The following SMAD5 variants were observed in gnomAD, a reference collection of about 807,000 sequenced individuals.
SMAD5 encodes the protein SMAD family member 5, also known as MAD, mothers against decapentaplegic homolog 5.
In SMAD5, 9 loss-of-function variants were observed where a neutral mutation model predicts 43.1. That is an observed-to-expected ratio of 0.21 (90% CI 0.13 to 0.36). The LOEUF (loss-of-function observed/expected upper bound fraction) is 0.36. Among genes scored for constraint, SMAD5 ranks in the 10% least tolerant of loss-of-function variants. The probability of loss-of-function intolerance (pLI) is 1.00; values close to 1 mark genes in which losing one functional copy is unlikely to be tolerated. For synonymous variants in SMAD5, 190 were observed against 192.4 expected (o/e 0.99, Z 0.10); for missense variants, 348 against 574.0 (o/e 0.61, Z 4.02).
rs566951573 is a variant in SMAD5 at position 136,154,132 on chromosome 5, C to T, written c.372C>T (p.Asn124=). 237 of 1,584,090 alleles carry T rather than the reference C, an allele frequency of 1.5e-4. No homozygotes were observed. The East Asian group carries it at 5.0e-3, about 33-fold the overall frequency. The stretch of plus-strand genomic sequence containing the variant: ...CTAAGCAAAAAGAAGTTTGTATCAA[C>T]CCATACCACTATAAGAGAGTGGAGA... ...FGSKQKEVCI[N]PYHYKRVESP... The change falls in exon 3 of 8, where the codon AAC becomes AAT. Residue 124 remains asparagine (N), a synonymous_variant. Transcript: ENST00000545279.
intron 5 of SMAD5, among the ~76,000 whole-genome samples, chr5:136,164,260 A>G (rs1034878965): frequency 6.6e-6 from 1 of 152,216 alleles, no homozygotes; most frequent in African/African-American, 2.4e-5. Flanking sequence ...TCTTGGATAG[A>G]TATCTAGGAG....
chr5:136,141,355 C>G (rs946037383), intron 1 of SMAD5, among the ~76,000 whole-genome samples: 2 of 152,176 alleles, frequency 1.3e-5, no homozygotes, highest in Non-Finnish European at 2.9e-5. Context: ...GTGAAAAGTG[C>G]TAGATACCTG....
At chr5:136,145,670 A>G (rs572236779) in intron 1 of SMAD5, among the ~76,000 whole-genome samples, 74 of 152,116 alleles carry the variant, frequency 4.9e-4, no homozygotes, top group Non-Finnish European at 8.8e-4. Context: ...TTATTACAAC[A>G]ATAATAACTA....
intron 3 of SMAD5, among the ~76,000 whole-genome samples, chr5:136,156,178 T>C (rs906270135): frequency 6.6e-6 from 1 of 152,168 alleles, no homozygotes; most frequent in Non-Finnish European, 1.5e-5. Flanking sequence ...TCTTTATAGG[T>C]AGTTCACATT....
chr5:136,172,433 G>C lies in SMAD5; in HGVS notation c.776-1G>C. ...TCTTTCTGTGTCTGGTTTGTTCACA[G>C]ATGTTCAGCCTGTTGCCTATGAAGA... On this transcript the variant is annotated splice_acceptor_variant, in intron 5 of 7. Coordinates refer to ENST00000545279, the MANE Select transcript of SMAD5 (RefSeq NM_005903.7). LOFTEE classifies it high-confidence loss of function. The C allele has an allele frequency of 6.4e-7, 1 of 1,574,772 alleles. No homozygotes were observed. Among genetic ancestry groups the C allele is most frequent in the Non-Finnish European group, 8.7e-7 (1 of 1,146,830 alleles).
At chr5:136,176,279 C>T (rs186222326) in intron 7 of SMAD5, among the ~76,000 whole-genome samples, 33 of 151,476 alleles carry the variant, frequency 2.2e-4, no homozygotes, top group Non-Finnish European at 2.2e-4. Context: ...CATGGTGAAA[C>T]CCTGTCTCTA....
At chr5:136,135,191 G>T (rs1328140055) in intron 1 of SMAD5, among the ~76,000 whole-genome samples, 2 of 152,150 alleles carry the variant, frequency 1.3e-5, no homozygotes, top group African/African-American at 2.4e-5. Flanking sequence ...TTACTAATGA[G>T]GTTTGAATCA....
intron 1 of SMAD5, among the ~76,000 whole-genome samples, chr5:136,145,938 C>T (rs771810759): frequency 6.6e-6 from 1 of 151,842 alleles, no homozygotes; most frequent in Non-Finnish European, 1.5e-5. Flanking sequence ...TCCCTTCATC[C>T]TTCTCCCCAA....
Position 136,149,429 on chromosome 5 carries a change from T to G in SMAD5, c.-170+1523T>G, listed in dbSNP as rs554589720. ...CAAAAGTGACTGGACTAATGTATAT[T>G]CCTACTATCAATATATGAGAGTTCC... is the stretch of plus-strand genomic sequence containing the variant. On this transcript the variant is annotated intron_variant, in intron 2 of 7. Transcript: ENST00000545279. 7.9e-5 allele frequency among the ~76,000 whole-genome samples: 12 copies of G among 151,906 alleles called. 1 individual carries two copies. The Middle Eastern group carries it at 0.017, about 215-fold the overall frequency.
chr5:136,176,618 C>T (rs1277841419), intron 7 of SMAD5, among the ~76,000 whole-genome samples: 5 of 151,690 alleles, frequency 3.3e-5, no homozygotes, highest in African/African-American at 4.8e-5. Context: ...GGAATTACCA[C>T]GTTATCTTTA....
chr5:136,137,142 T>C (rs1752912584), intron 1 of SMAD5, among the ~76,000 whole-genome samples: 1 of 151,932 alleles, frequency 6.6e-6, no homozygotes, highest in Non-Finnish European at 1.5e-5. Context: ...GTTGAGATGA[T>C]ATTTTGCAAG....
At chr5:136,166,319 A>G (rs1034015126) in intron 5 of SMAD5, among the ~76,000 whole-genome samples, 11 of 152,072 alleles carry the variant, frequency 7.2e-5, no homozygotes, top group African/African-American at 2.4e-4. Context: ...TCTTAAAACA[A>G]TGTGTTTTTA....
At position 136,179,185 on chromosome 5, in the gene SMAD5, G is replaced by GA. The variant is rs1434849255; in HGVS notation, c.*1709dup. On this transcript the variant is annotated 3_prime_UTR_variant, in exon 8 of 8. Transcript: ENST00000545279. ...TCTCCCAAAACACAATCTTTAGAGAGAAAAGACATGAACGAACTCCAAAAT... is the reference window on the plus strand; with the variant it reads ...TCTCCCAAAACACAATCTTTAGAGAGAAAAAGACATGAACGAACTCCAAAAT... 1 of 152,378 alleles carries GA rather than the reference G, an allele frequency of 6.6e-6. No homozygotes were observed. Among genetic ancestry groups the GA allele is most frequent in the East Asian group, 1.9e-4 (1 of 5,194 alleles). The allele number at this position is 152,378 out of a possible 1,614,324, so 9.4% of individuals were successfully genotyped here.
intron 1 of SMAD5, among the ~76,000 whole-genome samples, chr5:136,138,810 C>T (rs1284879097): frequency 6.6e-6 from 1 of 152,084 alleles, no homozygotes; most frequent in Admixed American, 6.5e-5. Context: ...AAAATGTGGG[C>T]AGTAAGGCCC....
intron 2 of SMAD5, among the ~76,000 whole-genome samples, chr5:136,149,599 C>A (rs1488265751): frequency 6.6e-6 from 1 of 151,396 alleles, no homozygotes; most frequent in African/African-American, 2.4e-5. Flanking sequence ...CCCATTTTCT[C>A]ATCCAGTGGC....
At chr5:136,164,872 C>A (rs1477032187) in intron 5 of SMAD5, among the ~76,000 whole-genome samples, 2 of 152,008 alleles carry the variant, frequency 1.3e-5, no homozygotes, top group Non-Finnish European at 2.9e-5. Flanking sequence ...GTCAGTGGTT[C>A]CTTTTGAGTT....
chr5:136,177,427 A>G lies in SMAD5; in HGVS notation c.1345A>G (p.Lys449Glu), dbSNP rs751866727. ...TCATGGGCCTCTTCAGTGGCTGGAT[A>G]AAGTCCTTACTCAGATGGGCTCCCC... ...HLHGPLQWLD[K>E]VLTQMGSPLN... Residue 449 changes from lysine (K) to glutamate (E), a missense_variant, in exon 8 of 8, where the codon AAA becomes GAA. Lys to Glu is a moderately conservative substitution (Grantham distance 56). Coordinates refer to ENST00000545279, the MANE Select transcript of SMAD5 (RefSeq NM_005903.7). 6.2e-7 allele frequency: 1 copy of G among 1,612,662 alleles called. No homozygotes were observed. Among genetic ancestry groups the G allele is most frequent in the African/African-American group, 1.3e-5 (1 of 74,904 alleles).
At chr5:136,152,359 G>A (rs1753500290) in intron 2 of SMAD5, among the ~76,000 whole-genome samples, 2 of 152,216 alleles carry the variant, frequency 1.3e-5, no homozygotes, top group South Asian at 4.1e-4. Flanking sequence ...ATAATTATTT[G>A]TTGAGTGTAT....
intron 5 of SMAD5, among the ~76,000 whole-genome samples, chr5:136,164,349 C>T (rs962642681): frequency 6.6e-6 from 1 of 152,210 alleles, no homozygotes; most frequent in African/African-American, 2.4e-5. Context: ...TACCATTTTA[C>T]ATTCTCACCA....
Sources: allele counts gnomAD v4.1 joint callset (sites outside exome capture counted in the v4.1 genomes callset), GRCh38; gene constraint gnomAD v4.1.1; transcripts MANE v1.5; gene names NCBI Gene and HGNC (gene_info 2026-07-23, HGNC 2026-07-21).